The following EIF1 variants were observed in gnomAD, a reference collection of about 807,000 sequenced individuals.
EIF1 encodes the protein eukaryotic translation initiation factor 1.
EIF1 carries 4 observed loss-of-function variants against 13.7 expected under a neutral mutation model. The ratio of observed to expected loss-of-function variants is 0.29; its 90% CI spans 0.14 to 0.67. The LOEUF (loss-of-function observed/expected upper bound fraction) is 0.67, where lower values mean the gene tolerates loss of function less well. Ranked by LOEUF, EIF1 falls within the 30% of genes least tolerant of loss-of-function variation. The pLI, the probability that EIF1 is intolerant of heterozygous loss-of-function variation, is 0.77. For missense variants in EIF1, 64 were observed against 138.0 expected (o/e 0.46, Z 2.69); for synonymous variants, 67 against 50.7 (o/e 1.32, Z -1.37).
Position 41,690,962 on chromosome 17 carries a change from T to C in EIF1, c.*136T>C. The C allele has an allele frequency of 1.1e-6, 1 of 876,970 alleles. No individual in the cohort carries two copies. Among genetic ancestry groups the C allele is most frequent in the Non-Finnish European group, 1.8e-6 (1 of 543,066 alleles). 54.3% of individuals were successfully genotyped at this position (876,970 alleles called of 1,614,324 possible). A position where few individuals can be genotyped will look rare whatever the true frequency, so the allele number is the denominator to read the frequency against. ...TTTGGGGTCCGCTTTTAACTTGGACTAGTGTAACTCCTTCATGCAATAAAC... is the reference window on the plus strand; with the variant it reads ...TTTGGGGTCCGCTTTTAACTTGGACCAGTGTAACTCCTTCATGCAATAAAC... On this transcript the variant is annotated 3_prime_UTR_variant, in exon 4 of 4. Coordinates refer to ENST00000469257, the MANE Select transcript of EIF1 (RefSeq NM_005801.4).
chr17:41,689,658 G>C, intron 1 of EIF1, 120 bp from the exon 2 acceptor site: 1 of 1,046,174 alleles, frequency 9.6e-7, no homozygotes, highest in South Asian at 1.7e-5. Flanking sequence ...CATTCGGCCT[G>C]GCCCAAGCCC....
rs376719887 is a variant in EIF1 at position 41,688,997 on chromosome 17, C to A, written c.-42C>A. 1 of 1,611,632 alleles carries A rather than the reference C, an allele frequency of 6.2e-7. No individual in the cohort carries two copies. Among genetic ancestry groups the A allele is most frequent in the African/African-American group, 1.3e-5 (1 of 75,008 alleles). ...CTTCTCCCGCCACCGCCGCCGCCGC[C>A]TTCCGCAGGCCGTTTCCACCGAGGA... On this transcript the variant is annotated 5_prime_UTR_variant, in exon 1 of 4. Coordinates refer to ENST00000469257, the MANE Select transcript of EIF1 (RefSeq NM_005801.4).
chr17:41,689,594 T>C, intron 1 of EIF1, 184 bp from the exon 2 acceptor site: 2 of 542,902 alleles, frequency 3.7e-6, no homozygotes, highest in Non-Finnish European at 6.2e-6. Flanking sequence ...TCCCCGAGCC[T>C]GGGGAAGCTG....
At chr17:41,690,666 C>T (rs549891811) in intron 3 of EIF1, 116 bp from the exon 4 acceptor site, 40 of 1,103,372 alleles carry the variant, frequency 3.6e-5, no homozygotes, top group South Asian at 9.3e-5. Flanking sequence ...AACCATTGTG[C>T]GCACCCCTGG....
chr17:41,689,047 T>C lies in EIF1; in HGVS notation c.9T>C (p.Ala3=). The C allele has an allele frequency of 1.2e-6, 2 of 1,613,654 alleles. No individual in the cohort carries two copies. Among genetic ancestry groups the C allele is most frequent in the Non-Finnish European group, 1.7e-6 (2 of 1,179,910 alleles). The change falls in exon 1 of 4, where the codon GCT becomes GCC. Residue 3 remains alanine (A), a synonymous_variant. Transcript: ENST00000469257. MS[A]IQNLHSFDPF... is the part of the protein sequence containing the mutation. The stretch of plus-strand genomic sequence containing the variant: ...AAAAGGAATCGTATCGTATGTCCGC[T>C]ATCCAGAACCTCCACTCTTTCGGTA...
rs996455498 is a variant in EIF1 at position 41,692,540 on chromosome 17, C to T, written c.*1714C>T. ...AACAATGAGCCTCACAGCCGTGCTACACAATAAGATTATAATACTGTATTT... is the reference window on the plus strand; with the variant it reads ...AACAATGAGCCTCACAGCCGTGCTATACAATAAGATTATAATACTGTATTT... On this transcript the variant is annotated 3_prime_UTR_variant, in exon 4 of 4. Coordinates refer to ENST00000469257, the MANE Select transcript of EIF1 (RefSeq NM_005801.4). 2 of 110,006 alleles carry T rather than the reference C, an allele frequency of 1.8e-5. No individual in the cohort carries two copies. Among genetic ancestry groups the T allele is most frequent in the African/African-American group, 5.8e-5 (2 of 34,650 alleles). 6.8% of individuals were successfully genotyped at this position (110,006 alleles called of 1,614,324 possible).
chr17:41,689,740 C>CT, intron 1 of EIF1, 38 bp from the exon 2 acceptor site: 1 of 1,550,296 alleles, frequency 6.5e-7, no homozygotes, highest in Non-Finnish European at 8.7e-7. Context: ...GGCATCCTAT[C>CT]TTTGACAGCT....
chr17:41,691,113 A>G lies in EIF1; in HGVS notation c.*287A>G, dbSNP rs1597718978. 1 of 543,582 alleles carries G rather than the reference A, an allele frequency of 1.8e-6. No homozygotes were observed. Among genetic ancestry groups the G allele is most frequent in the Non-Finnish European group, 3.3e-6 (1 of 304,446 alleles). 33.7% of individuals were successfully genotyped at this position (543,582 alleles called of 1,614,324 possible). On this transcript the variant is annotated 3_prime_UTR_variant, in exon 4 of 4. Transcript: ENST00000469257. ...ATGTTTCAGCCAAGCCCAGAGCCCT[A>G]AGATTACAAACAACTATGGCCGGAA... is the stretch of plus-strand genomic sequence containing the variant.
At chr17:41,690,323 G>GT (rs1199317501) in intron 3 of EIF1, 134 bp downstream of exon 3, 1 of 651,494 alleles carries the variant, frequency 1.5e-6, no homozygotes, top group Non-Finnish European at 2.6e-6. Context: ...AAAGTACATA[G>GT]ACTTATTTCT....
In EIF1 at chr17:41,691,298, C is replaced by T; in HGVS notation, c.*472C>T. 4.1e-6 allele frequency: 1 copy of T among 242,268 alleles called. No homozygotes were observed. Among genetic ancestry groups the T allele is most frequent in the Non-Finnish European group, 7.9e-6 (1 of 126,884 alleles). The allele number at this position is 242,268 out of a possible 1,614,324, so 15.0% of individuals were successfully genotyped here. On this transcript the variant is annotated 3_prime_UTR_variant, in exon 4 of 4. Transcript: ENST00000469257. ...TGGTAGATCCCCTGGTGTCTCCAACCTGACTAGGTGGACAGAGCTCAAAGA... is the reference window on the plus strand; with the variant it reads ...TGGTAGATCCCCTGGTGTCTCCAACTTGACTAGGTGGACAGAGCTCAAAGA...
At position 41,688,937 on chromosome 17, in the gene EIF1, C is replaced by T. The variant is rs11550325; in HGVS notation, c.-102C>T. The T allele has an allele frequency of 9.5e-6, 12 of 1,259,122 alleles. No individual in the cohort carries two copies. The highest frequency in any genetic ancestry group is 4.8e-5 in the East Asian group (2 of 41,922). 78.0% of individuals were successfully genotyped at this position (1,259,122 alleles called of 1,614,324 possible). On this transcript the variant is annotated 5_prime_UTR_variant, in exon 1 of 4. Coordinates refer to ENST00000469257, the MANE Select transcript of EIF1 (RefSeq NM_005801.4). The stretch of plus-strand genomic sequence containing the variant: ...ATTCAGCAGCCTCCCCCTTGAGCCC[C>T]CTCGCTTCCCGACGTTCCGTTCCCC...
intron 1 of EIF1, 151 bp from the exon 2 acceptor site, chr17:41,689,627 G>A (rs1910311982): frequency 1.4e-6 from 1 of 740,174 alleles, no homozygotes; most frequent in South Asian, 2.1e-5. Context: ...TGACCTGCTC[G>A]GGGAGAGCCA....
At chr17:41,689,517 C>T in intron 1 of EIF1, 1 of 474,190 alleles carries the variant, frequency 2.1e-6, no homozygotes, top group Non-Finnish European at 3.7e-6. Flanking sequence ...GGGTGGGGCA[C>T]CGCCTGGCAG....
At chr17:41,690,545 T>C in intron 3 of EIF1, 1 of 575,326 alleles carries the variant, frequency 1.7e-6, no homozygotes, top group Non-Finnish European at 3.1e-6. Flanking sequence ...GCTCTTGATA[T>C]AATTGAAGAG....
At chr17:41,690,757 A>C in intron 3 of EIF1, 25 bp from the exon 4 acceptor site, 1 of 1,613,806 alleles carries the variant, frequency 6.2e-7, no homozygotes, top group Non-Finnish European at 8.5e-7. Context: ...CCCCCATTTA[A>C]AACTTTGCCC....
At chr17:41,689,110 G>A (rs1269364675) in intron 1 of EIF1, 41 bp downstream of exon 1, 1 of 1,607,164 alleles carries the variant, frequency 6.2e-7, no homozygotes, top group South Asian at 1.1e-5. Context: ...TGGGGCAGCG[G>A]GGCCTTCCGG....
At chr17:41,690,718 T>G (rs1463188290) in intron 3 of EIF1, 64 bp from the exon 4 acceptor site, 1 of 1,580,222 alleles carries the variant, frequency 6.3e-7, no homozygotes, top group African/African-American at 1.3e-5. Context: ...GTTGTTGCCA[T>G]TAGAAATGGA....
In EIF1 at chr17:41,688,988, C is replaced by T. The variant is rs770822976; in HGVS notation, c.-51C>T. 12 of 1,591,144 alleles carry T rather than the reference C, an allele frequency of 7.5e-6. No individual in the cohort carries two copies. The East Asian group carries it at 1.8e-4, about 24-fold the overall frequency. On this transcript the variant is annotated 5_prime_UTR_variant, in exon 1 of 4. Transcript: ENST00000469257. ...CCTGCCCGCCTTCTCCCGCCACCGCCGCCGCCGCCTTCCGCAGGCCGTTTC... is the reference window on the plus strand; with the variant it reads ...CCTGCCCGCCTTCTCCCGCCACCGCTGCCGCCGCCTTCCGCAGGCCGTTTC...
rs1429405439 is a variant in EIF1 at position 41,691,344 on chromosome 17, G to A, written c.*518G>A. 1 of 186,570 alleles carries A rather than the reference G, an allele frequency of 5.4e-6. No individual in the cohort carries two copies. The highest frequency in any genetic ancestry group is 1.1e-5 in the Non-Finnish European group (1 of 91,088). The allele number at this position is 186,570 out of a possible 1,614,324, so 11.6% of individuals were successfully genotyped here. ...AAAGAGGCCCTCTTACCGCTAGCGA[G>A]GTGATAGGACATCTGGCTTGCCACA... On this transcript the variant is annotated 3_prime_UTR_variant, in exon 4 of 4. Coordinates refer to ENST00000469257, the MANE Select transcript of EIF1 (RefSeq NM_005801.4).
Sources: allele counts gnomAD v4.1 joint callset, GRCh38; gene constraint gnomAD v4.1.1; transcripts MANE v1.5; gene names NCBI Gene and HGNC (gene_info 2026-07-23, HGNC 2026-07-21).